The following CHRM2 variants were observed in gnomAD, a reference collection of about 807,000 sequenced individuals.
The protein encoded by CHRM2 is muscarinic acetylcholine receptor M2.
Under a neutral mutation model 25.0 loss-of-function variants are expected in CHRM2, and 8 were observed. That is an observed-to-expected ratio of 0.32 (90% CI 0.19 to 0.58). CHRM2 has a LOEUF of 0.58. Ranked by LOEUF, CHRM2 falls within the 20% of genes least tolerant of loss-of-function variation. CHRM2 has a pLI of 0.88. For synonymous variants in CHRM2, 202 were observed against 205.7 expected (o/e 0.98, Z 0.15); for missense variants, 440 against 567.1 (o/e 0.78, Z 2.28).
At chr7:136,873,516 A>T (rs2130459888) in intron 2 of CHRM2, among the ~76,000 whole-genome samples, 1 of 152,278 alleles carries the variant, frequency 6.6e-6, no homozygotes, top group South Asian at 2.1e-4. Context: ...TTCTCATTTT[A>T]TCTTTGCAAC....
At chr7:136,877,156 ATATG>A (rs1017315260) in intron 2 of CHRM2, among the ~76,000 whole-genome samples, 3 of 152,078 alleles carry the variant, frequency 2.0e-5, no homozygotes, top group Admixed American at 2.0e-4. Flanking sequence ...CAATAGTACT[ATATG>A]TATTTTCCAT....
At chr7:136,949,658 T>A (rs535464247) in intron 2 of CHRM2, among the ~76,000 whole-genome samples, 1 of 152,118 alleles carries the variant, frequency 6.6e-6, no homozygotes, top group Non-Finnish European at 1.5e-5. Context: ...TCTGGAGGTA[T>A]ACTTGCTCTA....
intron 2 of CHRM2, among the ~76,000 whole-genome samples, chr7:136,882,356 C>A (rs1216545366): frequency 6.6e-6 from 1 of 151,388 alleles, no homozygotes; most frequent in East Asian, 1.9e-4. Flanking sequence ...ACTTGTATTC[C>A]CTCCTTTCCT....
chr7:136,894,497 G>A (rs937979333), intron 2 of CHRM2, among the ~76,000 whole-genome samples: 7 of 151,902 alleles, frequency 4.6e-5, no homozygotes, highest in South Asian at 2.1e-4. Context: ...TCAGCCTCCC[G>A]AGTAGGTGAG....
intron 2 of CHRM2, among the ~76,000 whole-genome samples, chr7:136,920,624 A>C (rs1460579708): frequency 1.3e-5 from 2 of 152,046 alleles, no homozygotes; most frequent in African/African-American, 4.8e-5. Context: ...TGTTCTCTAC[A>C]CCCTAAGCAT....
intron 2 of CHRM2, among the ~76,000 whole-genome samples, chr7:136,872,903 G>A (rs1205934211): frequency 6.6e-6 from 1 of 152,176 alleles, no homozygotes; most frequent in Non-Finnish European, 1.5e-5. Context: ...ATGCATGTGA[G>A]CGAACCCTTT....
intron 2 of CHRM2, chr7:136,870,420 G>GGT (rs1268584684): frequency 6.6e-6 from 1 of 152,500 alleles, no homozygotes; most frequent in African/African-American, 2.4e-5. Context: ...GGTAAGTAGA[G>GGT]ACTCATCTGG....
chr7:136,898,194 T>C (rs533952125), intron 2 of CHRM2, among the ~76,000 whole-genome samples: 1 of 152,276 alleles, frequency 6.6e-6, no homozygotes, highest in African/African-American at 2.4e-5. Context: ...ATAGTCCATA[T>C]ACATGGTTTT....
intron 2 of CHRM2, among the ~76,000 whole-genome samples, chr7:136,927,207 C>T (rs937062363): frequency 6.6e-6 from 1 of 152,114 alleles, no homozygotes; most frequent in Non-Finnish European, 1.5e-5. Context: ...TACTTTTATG[C>T]TCATTATTAT....
chr7:136,938,405 C>G, intron 2 of CHRM2: 1 of 1,557,326 alleles, frequency 6.4e-7, no homozygotes, highest in Middle Eastern at 1.7e-4. Flanking sequence ...AGGAACCGTA[C>G]CTTGTCTATG....
At chr7:136,923,584 G>A (rs1798575113) in intron 2 of CHRM2, among the ~76,000 whole-genome samples, 2 of 152,060 alleles carry the variant, frequency 1.3e-5, no homozygotes, top group South Asian at 4.1e-4. Flanking sequence ...CTGCATTAAG[G>A]AACCCCCAAA....
chr7:136,892,058 T>C (rs1486243560), intron 2 of CHRM2, among the ~76,000 whole-genome samples: 1 of 152,216 alleles, frequency 6.6e-6, no homozygotes. Flanking sequence ...CAGCAGGTAT[T>C]AACACTGGTT....
intron 2 of CHRM2, among the ~76,000 whole-genome samples, chr7:136,935,408 T>C (rs986847552): frequency 6.6e-6 from 1 of 152,128 alleles, no homozygotes; most frequent in Admixed American, 6.5e-5. Context: ...GATTAGACGA[T>C]CGTTTGAAAT....
intron 2 of CHRM2, among the ~76,000 whole-genome samples, chr7:136,982,853 T>C (rs1400329973): frequency 2.0e-5 from 3 of 152,192 alleles, no homozygotes; most frequent in Non-Finnish European, 4.4e-5. Context: ...AATGTGACCT[T>C]TCTCTCTGCT....
intron 2 of CHRM2, among the ~76,000 whole-genome samples, chr7:136,968,353 C>A (rs324589): frequency 0.85 from 129,129 of 151,972 alleles, 55,776 homozygotes; most frequent in Middle Eastern, 0.97. Context: ...TGCTAGAATG[C>A]CTGTTATAAA....
intron 2 of CHRM2, among the ~76,000 whole-genome samples, chr7:136,989,859 T>C (rs767580637): frequency 9.9e-5 from 15 of 152,242 alleles, no homozygotes; most frequent in South Asian, 2.1e-4. Context: ...CCCCATCCAC[T>C]ATAGCATGAA....
In CHRM2 at chr7:136,878,568, C is replaced by A. The variant is rs534172642; in HGVS notation, c.-125+9150C>A. Among the ~76,000 whole-genome samples the A allele has an allele frequency of 4.6e-5, 7 of 151,976 alleles. No homozygotes were observed. In the East Asian group the frequency reaches 1.2e-3, roughly 25 times the overall value. On this transcript the variant is annotated intron_variant, in intron 2 of 3. Transcript: ENST00000680005. ...AAATTTCAGAATTTGGGGTGAGATA[C>A]TCTTCTGTGACAATAATAATGGCAA...
chr7:137,014,694 C>T, intron 3 of CHRM2, 126 bp from the exon 4 acceptor site: 1 of 674,932 alleles, frequency 1.5e-6, no homozygotes, highest in Non-Finnish European at 2.5e-6. Flanking sequence ...GGCAGGTAGA[C>T]ACAGTAATCA....
chr7:136,932,923 A>G (rs1414132395), intron 2 of CHRM2, among the ~76,000 whole-genome samples: 1 of 152,072 alleles, frequency 6.6e-6, no homozygotes, highest in Admixed American at 6.6e-5. Flanking sequence ...CCAGCTACTC[A>G]GGAGGCTGAG....
Sources: allele counts gnomAD v4.1 joint callset (sites outside exome capture counted in the v4.1 genomes callset), GRCh38; gene constraint gnomAD v4.1.1; transcripts MANE v1.5; gene names NCBI Gene and HGNC (gene_info 2026-07-23, HGNC 2026-07-21).